PLEKHG1: variants seen among roughly 807,000 people sequenced by gnomAD.
The protein encoded by PLEKHG1 is pleckstrin homology domain-containing family G member 1.
A neutral mutation model predicts 100.8 loss-of-function variants in PLEKHG1; 44 were observed. The ratio of observed to expected loss-of-function variants is 0.44; its 90% CI spans 0.34 to 0.56. The LOEUF (loss-of-function observed/expected upper bound fraction) is 0.56. Ranked by LOEUF, PLEKHG1 falls within the 20% of genes least tolerant of loss-of-function variation. PLEKHG1 has a pLI of 0.01. For missense variants in PLEKHG1, 1,545 were observed against 1,720.9 expected (o/e 0.90, Z 1.81); for synonymous variants, 640 against 662.5 (o/e 0.97, Z 0.52).
intron 1 of PLEKHG1, 115 bp from the exon 3 acceptor site, chr6:150,733,469 A>C: frequency 1.2e-6 from 1 of 859,534 alleles, no homozygotes; most frequent in Non-Finnish European, 1.7e-6. Flanking sequence ...TCCCTTCTGT[A>C]ATTGGCCACC....
At position 150,757,107 on chromosome 6, in the gene PLEKHG1, C is replaced by T. The variant is rs545260461; in HGVS notation, c.412-11531C>T. Among the ~76,000 whole-genome samples, 15 of 152,308 alleles carry T rather than the reference C, an allele frequency of 9.8e-5. No homozygotes were observed. The South Asian group carries it at 1.0e-3, about 11-fold the overall frequency. ...CTGCCTTCCAGGTTCAAGCGATTCTCGTGTCTCAGCCTTCTGAGTAGCTGG... is the reference window on the plus strand; with the variant it reads ...CTGCCTTCCAGGTTCAAGCGATTCTTGTGTCTCAGCCTTCTGAGTAGCTGG... On this transcript the variant is annotated intron_variant, in intron 2 of 15. Transcript: ENST00000358517.
chr6:150,610,706 A>G (rs1776791591), intron 1 of PLEKHG1, among the ~76,000 whole-genome samples: 1 of 152,236 alleles, frequency 6.6e-6, no homozygotes, highest in Admixed American at 6.5e-5. Context: ...TAACTCTTTA[A>G]AAAGGTTTCT....
intron 3 of PLEKHG1, among the ~76,000 whole-genome samples, chr6:150,671,349 C>T (rs1298869136): frequency 6.6e-6 from 1 of 152,078 alleles, no homozygotes; most frequent in Non-Finnish European, 1.5e-5. Flanking sequence ...GTTTATATTC[C>T]CACCAGCAGT....
At position 150,742,529 on chromosome 6, in the gene PLEKHG1, C is replaced by A. The variant is rs372635693; in HGVS notation, c.411+8437C>A. Reference sequence around the variant, plus strand: ...GCAATGAGCCAAGATAGCGCCATTGCACTCCAGCCTAGGCAATAGAGTGAG... The same window carrying A: ...GCAATGAGCCAAGATAGCGCCATTGAACTCCAGCCTAGGCAATAGAGTGAG... On this transcript the variant is annotated intron_variant, in intron 2 of 15. Transcript: ENST00000358517. Among the ~76,000 whole-genome samples, 14 of 122,456 alleles carry A rather than the reference C, an allele frequency of 1.1e-4. No individual in the cohort carries two copies. The Admixed American group carries it at 1.6e-3, about 14-fold the overall frequency. The allele number at this position is 122,456 out of a possible 152,430, so 80.3% of individuals were successfully genotyped here. A position where few individuals can be genotyped will look rare whatever the true frequency, so the allele number is the denominator to read the frequency against.
In PLEKHG1 at chr6:150,620,672, T is replaced by G. The variant is rs1257114371; in HGVS notation, c.-203-17408T>G. ...TATTTCTGCTGTTAGGAGGACTGTA[T>G]GTCTATATGTGTGTTCATTCAGCAA... On this transcript the variant is annotated intron_variant, in intron 1 of 3. Coordinates refer to the PLEKHG1 transcript ENST00000367326. Among the ~76,000 whole-genome samples, 5 of 152,252 alleles carry G rather than the reference T, an allele frequency of 3.3e-5. No homozygotes were observed. In the East Asian group the frequency reaches 9.6e-4, roughly 29 times the overall value.
At chr6:150,690,984 A>G (rs2128593507) in intron 3 of PLEKHG1, among the ~76,000 whole-genome samples, 1 of 152,292 alleles carries the variant, frequency 6.6e-6, no homozygotes, top group East Asian at 1.9e-4. Context: ...CCTCATCTGG[A>G]TGATGAACCC....
intron 12 of PLEKHG1, 81 bp downstream of exon 13, chr6:150,819,855 T>C (rs946632101): frequency 1.7e-5 from 14 of 837,620 alleles, no homozygotes; most frequent in Non-Finnish European, 2.1e-5. Context: ...CAAAAGGGAA[T>C]GTTCTGTCTG....
At chr6:150,742,433 T>C (rs896748036) in intron 2 of PLEKHG1, among the ~76,000 whole-genome samples, 1 of 151,876 alleles carries the variant, frequency 6.6e-6, no homozygotes, top group African/African-American at 2.4e-5. Flanking sequence ...AGTGTGGTGG[T>C]GTGCACCTGT....
At position 150,831,796 on chromosome 6, in the gene PLEKHG1, G is replaced by C. The variant is rs1165973892; in HGVS notation, c.2685G>C (p.Glu895Asp). ...CTGTGTCCACGCTGTCCCTGCCTGA[G>C]AGCCAGGCTCTCCTCACGCCCGTGA... The change falls in exon 15 of 16, where the codon GAG (glutamate) becomes GAC (aspartate). Residue 895 changes from glutamate to aspartate, a missense_variant. Transcript: ENST00000358517. The surrounding 1 kb of genome is among the most constrained non-coding windows in gnomAD (Gnocchi z 4.1). The C allele has an allele frequency of 5.6e-6, 9 of 1,612,828 alleles. No homozygotes were observed. The East Asian group carries it at 6.7e-5, about 12-fold the overall frequency.
At chr6:150,602,089 T>C (rs904624243) in intron 1 of PLEKHG1, among the ~76,000 whole-genome samples, 11 of 152,228 alleles carry the variant, frequency 7.2e-5, no homozygotes, top group Non-Finnish European at 1.5e-4. Flanking sequence ...TTTTCAGTGA[T>C]TTAATTAAGA....
chr6:150,734,131 G>T, intron 2 of PLEKHG1, 39 bp downstream of exon 3: 1 of 1,563,598 alleles, frequency 6.4e-7, no homozygotes, highest in Non-Finnish European at 8.7e-7. Context: ...CCATGCAGGA[G>T]AAATATGCTT....
At chr6:150,819,453 T>G in intron 11 of PLEKHG1, among the ~76,000 whole-genome samples, 1 of 151,934 alleles carries the variant, frequency 6.6e-6, no homozygotes, top group Non-Finnish European at 1.5e-5. Context: ...TAGTCTCAGC[T>G]TCTCGGGAGG....
chr6:150,822,981 A>G (rs1776390014), intron 13 of PLEKHG1, among the ~76,000 whole-genome samples: 1 of 152,214 alleles, frequency 6.6e-6, no homozygotes, highest in Non-Finnish European at 1.5e-5. Context: ...CTCCATCTCA[A>G]AAAAAATAAA....
intron 2 of PLEKHG1, among the ~76,000 whole-genome samples, chr6:150,765,304 C>A (rs1244972503): frequency 6.6e-6 from 1 of 151,854 alleles, no homozygotes; most frequent in Non-Finnish European, 1.5e-5. Flanking sequence ...ACCAGCCTAG[C>A]CAACATGGTG....
intron 2 of PLEKHG1, among the ~76,000 whole-genome samples, chr6:150,643,149 A>G (rs1363538110): frequency 8.5e-5 from 13 of 152,210 alleles, no homozygotes. Flanking sequence ...CTAATTAAGT[A>G]TTAGAATTAA....
chr6:150,813,238 G>A (rs910224400), intron 10 of PLEKHG1, among the ~76,000 whole-genome samples: 7 of 150,762 alleles, frequency 4.6e-5, no homozygotes, highest in African/African-American at 1.7e-4. Context: ...CCGGGAGGCG[G>A]AGCTTGCATT....
At position 150,831,607 on chromosome 6, in the gene PLEKHG1, C is replaced by T. The variant is rs377576260; in HGVS notation, c.2496C>T (p.Ser832=). ...ATAAGCCTGTATCTGATAAACTGTC[C>T]GAAGAAGTAGATGAAATCTGGAATG... The change falls in exon 15 of 16, where the codon TCC becomes TCT. Residue 832 remains serine (S), a synonymous_variant. Coordinates refer to ENST00000358517, the Ensembl canonical transcript of PLEKHG1. The surrounding 1 kb of genome is among the most constrained non-coding windows in gnomAD (Gnocchi z 4.1). 1.6e-5 allele frequency: 26 copies of T among 1,613,840 alleles called. No individual in the cohort carries two copies. The highest frequency in any genetic ancestry group is 4.5e-5 in the East Asian group (2 of 44,898).
chr6:150,716,332 T>C (rs1271582916), upstream of PLEKHG1, among the ~76,000 whole-genome samples: 1 of 152,176 alleles, frequency 6.6e-6, no homozygotes, highest in Non-Finnish European at 1.5e-5. Flanking sequence ...TTACGCTCCT[T>C]GTGTAAAATA....
At chr6:150,784,919 A>G (rs1785525647) in intron 3 of PLEKHG1, among the ~76,000 whole-genome samples, 1 of 152,148 alleles carries the variant, frequency 6.6e-6, no homozygotes, top group Non-Finnish European at 1.5e-5. Flanking sequence ...ATTACATAAC[A>G]GAACTAGTTA....
Sources: allele counts gnomAD v4.1 joint callset (sites outside exome capture counted in the v4.1 genomes callset), GRCh38; gene constraint gnomAD v4.1.1; non-coding constraint Gnocchi (gnomAD v3.1); transcripts MANE v1.5; gene names NCBI Gene and HGNC (gene_info 2026-07-23, HGNC 2026-07-21).